GMDS: variants seen among roughly 807,000 people sequenced by gnomAD.
The protein encoded by GMDS is GDP-mannose 4,6-dehydratase.
GMDS carries 20 observed loss-of-function variants against 49.9 expected under a neutral mutation model. The observed-to-expected ratio is 0.40, with a 90% confidence interval of 0.28 to 0.58. The LOEUF is 0.58. GMDS is among the 20% of genes least tolerant of loss of function. GMDS has a pLI of 0.42. For missense variants in GMDS, 362 were observed against 481.4 expected (o/e 0.75, Z 2.32); for synonymous variants, 177 against 178.6 (o/e 0.99, Z 0.07).
chr6:2,182,352 T>C (rs553382681), intron 1 of GMDS, among the ~76,000 whole-genome samples: 3 of 152,322 alleles, frequency 2.0e-5, no homozygotes, highest in Non-Finnish European at 4.4e-5. Flanking sequence ...AGCCAGAATA[T>C]CTAGCCAACA....
chr6:1,873,099 G>A (rs1011335807), intron 7 of GMDS, among the ~76,000 whole-genome samples: 6 of 152,164 alleles, frequency 3.9e-5, no homozygotes, highest in African/African-American at 9.7e-5. Context: ...GGTGGCATTC[G>A]GCAAGTCGCC....
At chr6:1,984,954 G>C (rs1025991134) in intron 4 of GMDS, among the ~76,000 whole-genome samples, 46 of 152,186 alleles carry the variant, frequency 3.0e-4, no homozygotes, top group African/African-American at 1.1e-3. Flanking sequence ...GGGAGTTCAA[G>C]GCAAAGGTGG....
intron 9 of GMDS, among the ~76,000 whole-genome samples, chr6:1,666,087 T>C (rs1281864801): frequency 6.6e-6 from 1 of 152,146 alleles, no homozygotes; most frequent in Non-Finnish European, 1.5e-5. Flanking sequence ...GGGCTTCCGG[T>C]CTACAGGAGG....
intron 9 of GMDS, chr6:1,624,876 C>T (rs1398336033): frequency 4.6e-6 from 1 of 217,736 alleles, no homozygotes; most frequent in Admixed American, 5.7e-5. Flanking sequence ...TTGTCAGGGA[C>T]GCTCCTATGA....
chr6:1,760,364 G>A (rs1768110428), intron 7 of GMDS, among the ~76,000 whole-genome samples: 1 of 152,168 alleles, frequency 6.6e-6, no homozygotes. Context: ...GCTCCAGGGG[G>A]GATAAGTCAC....
intron 7 of GMDS, among the ~76,000 whole-genome samples, chr6:1,903,581 T>A (rs1276866078): frequency 6.6e-6 from 1 of 152,250 alleles, no homozygotes; most frequent in Non-Finnish European, 1.5e-5. Context: ...TGCATTTTTT[T>A]AAAACAATGA....
At chr6:2,095,246 T>C (rs1319984698) in intron 4 of GMDS, among the ~76,000 whole-genome samples, 1 of 152,180 alleles carries the variant, frequency 6.6e-6, no homozygotes, top group Non-Finnish European at 1.5e-5. Flanking sequence ...AAATAGTGCA[T>C]GCTTCAGGTA....
chr6:1,896,174 C>A (rs1760168162), intron 7 of GMDS, among the ~76,000 whole-genome samples: 1 of 152,104 alleles, frequency 6.6e-6, no homozygotes, highest in Admixed American at 6.6e-5. Flanking sequence ...TAGCTTGGAC[C>A]ATTCATTGTT....
At chr6:1,985,678 T>C (rs1765502411) in intron 4 of GMDS, among the ~76,000 whole-genome samples, 1 of 151,904 alleles carries the variant, frequency 6.6e-6, no homozygotes, top group South Asian at 2.1e-4. Flanking sequence ...TATAGAAAGG[T>C]GCAAGCCTTT....
chr6:1,750,835 G>A (rs934509077), intron 7 of GMDS, among the ~76,000 whole-genome samples: 5 of 152,252 alleles, frequency 3.3e-5, no homozygotes, highest in Middle Eastern at 3.4e-3. Context: ...TGAAATTCCC[G>A]CTGCCAGCAC....
intron 1 of GMDS, among the ~76,000 whole-genome samples, chr6:2,167,928 A>C (rs1193588001): frequency 1.3e-5 from 2 of 152,274 alleles, no homozygotes; most frequent in Non-Finnish European, 2.9e-5. Flanking sequence ...GTCAATAAGT[A>C]CTGCTTAAAT....
chr6:1,934,058 G>A (rs1460860566), intron 6 of GMDS, among the ~76,000 whole-genome samples: 1 of 152,016 alleles, frequency 6.6e-6, no homozygotes, highest in Non-Finnish European at 1.5e-5. Flanking sequence ...TTTATATATG[G>A]TGTGATGAAA....
At chr6:1,782,677 A>G (rs1043378154) in intron 7 of GMDS, among the ~76,000 whole-genome samples, 1 of 152,210 alleles carries the variant, frequency 6.6e-6, no homozygotes, top group African/African-American at 2.4e-5. Context: ...AAATATTAGG[A>G]AGTTGTTAGG....
At chr6:2,148,328 G>A (rs1036287876) in intron 1 of GMDS, among the ~76,000 whole-genome samples, 47 of 152,270 alleles carry the variant, frequency 3.1e-4, no homozygotes, top group African/African-American at 1.1e-3. Flanking sequence ...CCTCCAAGTC[G>A]TAAGCCGGGC....
chr6:1,890,401 C>A (rs949272467), intron 7 of GMDS, among the ~76,000 whole-genome samples: 1 of 152,134 alleles, frequency 6.6e-6, no homozygotes, highest in East Asian at 1.9e-4. Flanking sequence ...CTATTTAAGT[C>A]TTGTGCCTAT....
At chr6:1,952,903 TGAAGCCA>T (rs1763427089) in intron 6 of GMDS, among the ~76,000 whole-genome samples, 1 of 152,082 alleles carries the variant, frequency 6.6e-6, no homozygotes, top group African/African-American at 2.4e-5. Context: ...TATCCAGGGA[TGAAGCCA>T]ATCCCTATGA....
intron 7 of GMDS, among the ~76,000 whole-genome samples, chr6:1,773,287 G>C (rs1768658947): frequency 1.3e-5 from 2 of 151,300 alleles, no homozygotes; most frequent in African/African-American, 4.9e-5. Flanking sequence ...CAATAGTTAT[G>C]ATATTCCTTG....
At chr6:2,070,759 C>G (rs565531871) in intron 4 of GMDS, among the ~76,000 whole-genome samples, 7 of 152,140 alleles carry the variant, frequency 4.6e-5, no homozygotes, top group Non-Finnish European at 2.9e-5. Context: ...TAAGAACCCA[C>G]GCTTACCTGC....
At chr6:1,793,198 T>G (rs1426294503) in intron 7 of GMDS, among the ~76,000 whole-genome samples, 1 of 152,170 alleles carries the variant, frequency 6.6e-6, no homozygotes, top group Non-Finnish European at 1.5e-5. Context: ...TCATGATACA[T>G]TCCCCAATGT....
Sources: gnomAD v4.1 joint callset for allele counts (sites outside exome capture counted in the v4.1 genomes callset) on GRCh38, gnomAD v4.1.1 for gene constraint, MANE v1.5 for transcripts, NCBI Gene and HGNC (gene_info 2026-07-23, HGNC 2026-07-21) for gene names.